The following NR4A1 variants were observed in gnomAD, a reference collection of about 807,000 sequenced individuals.
NR4A1 encodes nuclear receptor subfamily 4 group A member 1.
A neutral mutation model predicts 47.5 loss-of-function variants in NR4A1; 24 were observed. The ratio of observed to expected loss-of-function variants is 0.50; its 90% CI spans 0.37 to 0.71. The LOEUF is 0.71. NR4A1 is among the 30% of genes least tolerant of loss of function. The pLI, the probability that NR4A1 is intolerant of heterozygous loss-of-function variation, is 0.00. For missense variants in NR4A1, 669 were observed against 788.6 expected (o/e 0.85, Z 1.82); for synonymous variants, 353 against 345.7 (o/e 1.02, Z -0.24).
At chr12:52,043,684 A>C in intron 2 of NR4A1, 4 of 1,226,586 alleles carry the variant, frequency 3.3e-6, no homozygotes, top group Non-Finnish European at 3.1e-6. Context: ...GGTTTCTGCT[A>C]TATAAACAGA....
chr12:52,024,724 G>T (rs1366506249), intron 1 of NR4A1, among the ~76,000 whole-genome samples: 1 of 151,962 alleles, frequency 6.6e-6, no homozygotes, highest in Non-Finnish European at 1.5e-5. Context: ...AAGAAAGAAA[G>T]AAAAAGAAAA....
intron 1 of NR4A1, among the ~76,000 whole-genome samples, chr12:52,029,411 C>T (rs573602445): frequency 3.3e-5 from 5 of 152,254 alleles, no homozygotes; most frequent in South Asian, 2.1e-4. Flanking sequence ...CAGAGACGGC[C>T]GGTGTGGTGG....
At position 52,054,995 on chromosome 12, in the gene NR4A1, A is replaced by T; in HGVS notation, c.667A>T (p.Ser223Cys). 6.2e-7 allele frequency: 1 copy of T among 1,614,086 alleles called. No homozygotes were observed. Among genetic ancestry groups the T allele is most frequent in the Non-Finnish European group, 8.5e-7 (1 of 1,180,012 alleles). The change falls in exon 2 of 7, where the codon AGC becomes TGC. Residue 223 changes from serine (S) to cysteine (C), a missense_variant. Physicochemically the swap from Ser to Cys is moderately radical, Grantham distance 112. Transcript: ENST00000394825. The part of the protein sequence containing the change: ...QATHQLGEGE[S>C]YSMPTAFPGL... ...CACCCACCAGCTGGGGGAGGGAGAGAGCTATTCCATGCCTACGGCCTTCCC... is the reference window on the plus strand; with the variant it reads ...CACCCACCAGCTGGGGGAGGGAGAGTGCTATTCCATGCCTACGGCCTTCCC...
chr12:52,041,822 G>T, exon 2 of NR4A1: 1 of 1,452,882 alleles, frequency 6.9e-7, no homozygotes, highest in Non-Finnish European at 9.0e-7. Context: ...CTCCACCATG[G>T]ACAGAGGCCA....
Position 52,055,015 on chromosome 12 carries a change from C to G in NR4A1, c.687C>G (p.Ala229=). 1 of 1,614,232 alleles carries G rather than the reference C, an allele frequency of 6.2e-7. No individual in the cohort carries two copies. The highest frequency in any genetic ancestry group is 1.7e-4 in the Middle Eastern group (1 of 6,060). Residue 229 remains alanine (A), a synonymous_variant, in exon 2 of 7, where the codon GCC becomes GCG. Transcript: ENST00000394825. ...GEGESYSMPT[A]FPGLAPTSPH... is the part of the protein sequence containing the mutation. ...GAGAGAGCTATTCCATGCCTACGGC[C>G]TTCCCAGGTTTGGCACCCACTTCTC...
intron 1 of NR4A1, among the ~76,000 whole-genome samples, chr12:52,034,757 C>A (rs1039403014): frequency 3.5e-4 from 54 of 152,202 alleles, no homozygotes; most frequent in African/African-American, 1.3e-3. Flanking sequence ...ATCTGTGCAG[C>A]CCCCACGGCC....
chr12:52,045,503 C>T (rs1259869137), intron 2 of NR4A1: 1 of 452,090 alleles, frequency 2.2e-6, no homozygotes, highest in African/African-American at 2.0e-5. Flanking sequence ...GTGGGGGAGC[C>T]CAGGCCCCAG....
At chr12:52,035,605 C>T (rs983625458) in intron 1 of NR4A1, among the ~76,000 whole-genome samples, 26 of 152,146 alleles carry the variant, frequency 1.7e-4, no homozygotes, top group African/African-American at 5.8e-4. Context: ...CCCACCCCAA[C>T]GCCTTGTCAT....
rs767305762 is a variant in NR4A1, at chr12:52,056,529, C to A, written c.1042C>A (p.Arg348=). ...RTDSLKGRRG[R]LPSKPKQPPD... is the part of the protein sequence containing the mutation. ...AGACAGCCTGAAGGGGCGGCGGGGC[C>A]GGCTACCTTCAAAACCCAAGCAGCC... The change falls in exon 4 of 7, where the codon CGG becomes AGG. Residue 348 remains arginine (R), a synonymous_variant. Transcript: ENST00000394825. 1 of 1,613,526 alleles carries A rather than the reference C, an allele frequency of 6.2e-7. No homozygotes were observed. Among genetic ancestry groups the A allele is most frequent in the Non-Finnish European group, 8.5e-7 (1 of 1,179,796 alleles).
chr12:52,058,406 C>G (rs1939382270), intron 6 of NR4A1: 3 of 473,358 alleles, frequency 6.3e-6, no homozygotes, highest in African/African-American at 2.0e-5. Context: ...AATGATCTAG[C>G]CAGAAAACGT....
intron 6 of NR4A1, among the ~76,000 whole-genome samples, chr12:52,057,920 C>T (rs964012908): frequency 2.6e-5 from 4 of 152,082 alleles, no homozygotes; most frequent in Non-Finnish European, 5.9e-5. Context: ...CACATAACTG[C>T]CCCCCAGAAC....
chr12:52,042,357 C>T (rs1346267732), intron 2 of NR4A1, among the ~76,000 whole-genome samples: 1 of 152,026 alleles, frequency 6.6e-6, no homozygotes, highest in African/African-American at 2.4e-5. Context: ...CAGGTGAGTG[C>T]ATGAAGGGAA....
chr12:52,057,010 T>A lies in NR4A1; in HGVS notation c.1159-47T>A, dbSNP rs974199400. ...TGACACAGCCATACGTGGCAGTGGG[T>A]GTAGGAGCCTGCCTGGGGTGCTGAC... On this transcript the variant is annotated intron_variant, in intron 4 of 6. Transcript: ENST00000394825. 3.3e-6 allele frequency: 5 copies of A among 1,511,942 alleles called. No homozygotes were observed. In the African/African-American group the frequency reaches 6.9e-5, roughly 21 times the overall value. 93.7% of individuals were successfully genotyped at this position (1,511,942 alleles called of 1,614,324 possible).
upstream of NR4A1, among the ~76,000 whole-genome samples, chr12:52,049,586 TC>T (rs1938817388): frequency 6.6e-6 from 1 of 151,964 alleles, no homozygotes; most frequent in Admixed American, 6.6e-5. Flanking sequence ...GCCTGGGAGG[TC>T]CAGGCTGCAG....
chr12:52,047,536 AC>A (rs907691010), upstream of NR4A1, among the ~76,000 whole-genome samples: 5 of 151,930 alleles, frequency 3.3e-5, no homozygotes, highest in Non-Finnish European at 7.4e-5. Context: ...TGTGTTGAGC[AC>A]CCCCACCATC....
intron 2 of NR4A1, chr12:52,043,807 C>T (rs1938527973): frequency 7.8e-7 from 1 of 1,288,424 alleles, no homozygotes; most frequent in Non-Finnish European, 1.0e-6. Flanking sequence ...CACAGGGCTC[C>T]CTGAGACCAC....
chr12:52,038,867 C>T, intron 1 of NR4A1: 1 of 666,628 alleles, frequency 1.5e-6, no homozygotes, highest in Non-Finnish European at 2.7e-6. Flanking sequence ...CTGTGCCTGG[C>T]TCAAAGGCCC....
At chr12:52,037,399 C>T (rs979186343) in intron 1 of NR4A1, 8 of 985,290 alleles carry the variant, frequency 8.1e-6, no homozygotes, top group Non-Finnish European at 9.6e-6. Context: ...GGTGCGCGAC[C>T]CCGGAAAGCG....
intron 1 of NR4A1, chr12:52,037,201 C>G (rs1436511971): frequency 4.9e-6 from 1 of 202,336 alleles, no homozygotes; most frequent in Non-Finnish European, 8.5e-6. Flanking sequence ...GGGGGCGCCG[C>G]GCGGCCGGAA....
Sources: gnomAD v4.1 joint callset for allele counts (sites outside exome capture counted in the v4.1 genomes callset) on GRCh38, gnomAD v4.1.1 for gene constraint, MANE v1.5 for transcripts, NCBI Gene and HGNC (gene_info 2026-07-23, HGNC 2026-07-21) for gene names.